Variants in SCHIP1 observed in about 807,000 individuals in gnomAD.
The protein encoded by SCHIP1 is schwannomin-interacting protein 1.
A neutral mutation model predicts 29.7 loss-of-function variants in SCHIP1; 8 were observed. The ratio of observed to expected loss-of-function variants is 0.27; its 90% confidence interval spans 0.16 to 0.49. SCHIP1 has a LOEUF of 0.49. SCHIP1 is among the 20% of genes least tolerant of loss of function. The pLI is 0.99. For missense variants in SCHIP1, 193 were observed against 294.6 expected (o/e 0.66, Z 2.52); for synonymous variants, 76 against 94.9 (o/e 0.80, Z 1.16).
chr3:159,886,106 A>G, intron 2 of SCHIP1, 101 bp from the exon 4 acceptor site: 1 of 1,184,962 alleles, frequency 8.4e-7, no homozygotes, highest in Non-Finnish European at 1.2e-6. Context: ...TGTGAAGAAC[A>G]CATAAGACTA....
the SCHIP1 span, among the ~76,000 whole-genome samples, chr3:159,697,308 G>A: frequency 6.6e-6 from 1 of 152,178 alleles, no homozygotes; most frequent in East Asian, 1.9e-4. Context: ...GGTAGTTTGG[G>A]GTGCCATTCC....
At chr3:159,336,937 A>G in the SCHIP1 span, among the ~76,000 whole-genome samples, 8 of 152,148 alleles carry the variant, frequency 5.3e-5, no homozygotes, top group Non-Finnish European at 8.8e-5. Context: ...CTTGGGCAGT[A>G]TGGCCATTTT....
At chr3:159,346,914 A>G in the SCHIP1 span, among the ~76,000 whole-genome samples, 12 of 152,306 alleles carry the variant, frequency 7.9e-5, no homozygotes, top group African/African-American at 2.9e-4. Context: ...ATGACATTTG[A>G]GTGCCAGGTG....
chr3:159,657,645 C>A, the SCHIP1 span, among the ~76,000 whole-genome samples: 3 of 152,332 alleles, frequency 2.0e-5, no homozygotes, highest in Admixed American at 6.5e-5. Context: ...GGGCCCTGAA[C>A]CTTCCAGGCG....
At chr3:159,592,893 G>A in the SCHIP1 span, among the ~76,000 whole-genome samples, 1 of 152,088 alleles carries the variant, frequency 6.6e-6, no homozygotes, top group South Asian at 2.1e-4. Flanking sequence ...CTCTTCCAGA[G>A]TGGAAGATCT....
the SCHIP1 span, among the ~76,000 whole-genome samples, chr3:159,689,933 T>G: frequency 6.6e-6 from 1 of 152,222 alleles, no homozygotes; most frequent in Non-Finnish European, 1.5e-5. Context: ...CAGCCTTGCA[T>G]CCTGGGGATG....
chr3:159,746,459 C>T, the SCHIP1 span, among the ~76,000 whole-genome samples: 2 of 152,198 alleles, frequency 1.3e-5, no homozygotes, highest in Admixed American at 6.5e-5. Flanking sequence ...CTTGATTAGA[C>T]TCTAAATCAT....
the SCHIP1 span, among the ~76,000 whole-genome samples, chr3:159,619,315 T>C: frequency 6.6e-6 from 1 of 152,192 alleles, no homozygotes; most frequent in African/African-American, 2.4e-5. Context: ...ATCTTCAGTG[T>C]CACCAAAGAT....
chr3:159,849,650 T>A (rs1712317486), intron 1 of SCHIP1, among the ~76,000 whole-genome samples: 1 of 152,126 alleles, frequency 6.6e-6, no homozygotes, highest in South Asian at 2.1e-4. Context: ...GTCTGCAGGG[T>A]CCTAGGGCTT....
chr3:159,368,463 T>C, the SCHIP1 span, among the ~76,000 whole-genome samples: 1 of 152,330 alleles, frequency 6.6e-6, no homozygotes, highest in Non-Finnish European at 1.5e-5. Context: ...GGCCTAGCAG[T>C]CAGAAGACCT....
chr3:159,788,935 A>G, the SCHIP1 span, among the ~76,000 whole-genome samples: 4 of 152,202 alleles, frequency 2.6e-5, no homozygotes, highest in East Asian at 7.7e-4. Flanking sequence ...GAGGGCTGAC[A>G]TGATGCTTAT....
the SCHIP1 span, among the ~76,000 whole-genome samples, chr3:159,584,187 C>T: frequency 6.6e-6 from 1 of 152,042 alleles, no homozygotes; most frequent in African/African-American, 2.4e-5. Context: ...GTCAAAAAAC[C>T]CTTTTGTTAT....
chr3:159,583,286 G>A, the SCHIP1 span, among the ~76,000 whole-genome samples: 1 of 152,100 alleles, frequency 6.6e-6, no homozygotes, highest in East Asian at 1.9e-4. Context: ...ATAGCATTAA[G>A]TTTAGCAACT....
chr3:159,837,332 G>A (rs1743755141), upstream of SCHIP1, among the ~76,000 whole-genome samples: 1 of 152,190 alleles, frequency 6.6e-6, no homozygotes, highest in African/African-American at 2.4e-5. Flanking sequence ...CTTGGAAAGT[G>A]TTTTTTATAT....
chr3:159,771,538 A>G, the SCHIP1 span, among the ~76,000 whole-genome samples: 1 of 152,060 alleles, frequency 6.6e-6, no homozygotes, highest in Admixed American at 6.6e-5. Context: ...CTGTGTTTCA[A>G]CCTTTTACCT....
chr3:159,426,304 AAAAGAG>A, the SCHIP1 span, among the ~76,000 whole-genome samples: 2 of 152,234 alleles, frequency 1.3e-5, no homozygotes, highest in African/African-American at 4.8e-5. Context: ...AATAAAGAAA[AAAAGAG>A]AGAAGAATCA....
chr3:159,377,067 C>T, the SCHIP1 span, among the ~76,000 whole-genome samples: 1 of 152,174 alleles, frequency 6.6e-6, no homozygotes, highest in South Asian at 2.1e-4. Context: ...TATTCTTTCT[C>T]AGTTCTTTGG....
chr3:159,622,181 C>T, the SCHIP1 span, among the ~76,000 whole-genome samples: 1 of 152,208 alleles, frequency 6.6e-6, no homozygotes, highest in Admixed American at 6.5e-5. Context: ...AGCAAGCTGA[C>T]ATCATGTTTC....
the SCHIP1 span, among the ~76,000 whole-genome samples, chr3:159,582,583 C>G: frequency 6.6e-6 from 1 of 151,904 alleles, no homozygotes; most frequent in Non-Finnish European, 1.5e-5. Context: ...AATTAAAGTA[C>G]GTACATTAGG....
Sources: allele counts gnomAD v4.1 joint callset (sites outside exome capture counted in the v4.1 genomes callset), GRCh38; gene constraint gnomAD v4.1.1; transcripts MANE v1.5; gene names NCBI Gene and HGNC (gene_info 2026-07-23, HGNC 2026-07-21).